The following ADGRL3 variants were observed in gnomAD, a reference collection of about 807,000 sequenced individuals.
The protein encoded by ADGRL3 is calcium-independent alpha-latrotoxin receptor 3.
Under a neutral mutation model 153.5 loss-of-function variants are expected in ADGRL3, and 62 were observed. The ratio of observed to expected loss-of-function variants is 0.40; its 90% confidence interval spans 0.33 to 0.50. The LOEUF is 0.50. ADGRL3 is among the 20% of genes least tolerant of loss of function. ADGRL3 has a pLI of 0.47. For synonymous variants in ADGRL3, 710 were observed against 672.5 expected (o/e 1.06, Z -0.86); for missense variants, 1,641 against 1,859.4 (o/e 0.88, Z 2.16).
At chr4:61,955,031 A>G (rs1017995451) in intron 17 of ADGRL3, among the ~76,000 whole-genome samples, 2 of 152,302 alleles carry the variant, frequency 1.3e-5, no homozygotes, top group Non-Finnish European at 2.9e-5. Flanking sequence ...TGCTTAGAAA[A>G]TTAAATAGGA....
intron 8 of ADGRL3, among the ~76,000 whole-genome samples, chr4:61,754,036 C>A (rs904677358): frequency 6.6e-6 from 1 of 152,180 alleles, no homozygotes; most frequent in Admixed American, 6.5e-5. Flanking sequence ...GGGAAGTGAC[C>A]TTCCTTATTC....
chr4:61,930,516 ACT>A (rs1159904023), intron 13 of ADGRL3, among the ~76,000 whole-genome samples: 2 of 152,146 alleles, frequency 1.3e-5, no homozygotes, highest in Non-Finnish European at 1.5e-5. Context: ...TAACAAATAA[ACT>A]CTGTATTTTG....
At chr4:61,242,275 G>A (rs1322148221) in intron 1 of ADGRL3, among the ~76,000 whole-genome samples, 1 of 151,858 alleles carries the variant, frequency 6.6e-6, no homozygotes, top group East Asian at 1.9e-4. Context: ...TCACACTGTG[G>A]TACATTCGTT....
chr4:61,934,137 T>C (rs1342462816), intron 13 of ADGRL3, among the ~76,000 whole-genome samples: 1 of 152,216 alleles, frequency 6.6e-6, no homozygotes, highest in East Asian at 1.9e-4. Flanking sequence ...TTTGTATCTA[T>C]GTGTGGGTGT....
At chr4:62,035,565 A>G (rs1724530375) in intron 23 of ADGRL3, among the ~76,000 whole-genome samples, 1 of 152,126 alleles carries the variant, frequency 6.6e-6, no homozygotes, top group South Asian at 2.1e-4. Flanking sequence ...AGAAATTACT[A>G]AACTATCATT....
intron 8 of ADGRL3, among the ~76,000 whole-genome samples, chr4:61,797,171 CT>C: frequency 6.6e-6 from 1 of 152,220 alleles, no homozygotes; most frequent in Middle Eastern, 3.4e-3. Flanking sequence ...CCTCAAAAGC[CT>C]TGTGCCTACA....
At chr4:61,539,265 C>T (rs1478534945) in intron 4 of ADGRL3, among the ~76,000 whole-genome samples, 1 of 152,234 alleles carries the variant, frequency 6.6e-6, no homozygotes, top group African/African-American at 2.4e-5. Flanking sequence ...CTCCGGGGCA[C>T]TGATGCCAGC....
At chr4:61,279,215 G>A (rs1278137930) in intron 1 of ADGRL3, among the ~76,000 whole-genome samples, 1 of 152,122 alleles carries the variant, frequency 6.6e-6, no homozygotes, top group Admixed American at 6.6e-5. Flanking sequence ...AGCCAAATGG[G>A]TATCACTACT....
intron 9 of ADGRL3, among the ~76,000 whole-genome samples, chr4:61,856,196 C>T (rs2098261840): frequency 6.6e-6 from 1 of 152,048 alleles, no homozygotes; most frequent in African/African-American, 2.4e-5. Context: ...AGCCAGACTC[C>T]ACCTCTACAA....
At chr4:61,338,010 C>T (rs907473742) in intron 1 of ADGRL3, among the ~76,000 whole-genome samples, 2 of 151,966 alleles carry the variant, frequency 1.3e-5, no homozygotes, top group African/African-American at 4.8e-5. Flanking sequence ...CACCTGTAAT[C>T]CCCCAGCACT....
At chr4:61,679,352 A>T (rs932568923) in intron 6 of ADGRL3, among the ~76,000 whole-genome samples, 4 of 152,010 alleles carry the variant, frequency 2.6e-5, no homozygotes. Flanking sequence ...TCAACATGAG[A>T]TTTGGAGGGG....
At chr4:61,908,180 G>A (rs182834758) in intron 11 of ADGRL3, among the ~76,000 whole-genome samples, 136 of 152,226 alleles carry the variant, frequency 8.9e-4, no homozygotes, top group Admixed American at 1.4e-3. Context: ...TGGAGGATGA[G>A]CTGGGAGGAT....
At chr4:61,885,652 A>G (rs1161612335) in intron 9 of ADGRL3, among the ~76,000 whole-genome samples, 1 of 152,210 alleles carries the variant, frequency 6.6e-6, no homozygotes, top group Admixed American at 6.5e-5. Flanking sequence ...TAATTTCCAA[A>G]TCCATTAAAA....
chr4:61,983,015 G>GACTCTA (rs1184091570), intron 18 of ADGRL3, among the ~76,000 whole-genome samples: 1 of 151,802 alleles, frequency 6.6e-6, no homozygotes, highest in Non-Finnish European at 1.5e-5. Flanking sequence ...CTCTAACTCT[G>GACTCTA]ACTCTAACTC....
In ADGRL3 at chr4:62,037,941, G is replaced by A. The variant is rs182596669; in HGVS notation, c.3717+85G>A. The A allele has an allele frequency of 1.8e-5, 26 of 1,469,804 alleles. No individual in the cohort carries two copies. In the East Asian group the frequency reaches 5.7e-4, roughly 32 times the overall value. The allele number at this position is 1,469,804 out of a possible 1,614,324, so 91.0% of individuals were successfully genotyped here. The stretch of plus-strand genomic sequence containing the variant: ...TATGATTGGAGCTAATTTCTAGCCT[G>A]TGTTTAACACATCGTTTGTTTTTGT... On this transcript the variant is annotated intron_variant, in intron 24 of 26. Coordinates refer to ENST00000683033, the MANE Select transcript of ADGRL3 (RefSeq NM_001387552.1).
chr4:61,850,072 T>C (rs796173951), intron 9 of ADGRL3, among the ~76,000 whole-genome samples: 5 of 152,246 alleles, frequency 3.3e-5, no homozygotes, highest in African/African-American at 1.2e-4. Context: ...TCCTAATAAA[T>C]ATATGTGGTT....
intron 1 of ADGRL3, among the ~76,000 whole-genome samples, chr4:61,326,978 T>A (rs1208823290): frequency 6.6e-6 from 1 of 152,010 alleles, no homozygotes; most frequent in Non-Finnish European, 1.5e-5. Context: ...GTTATGTGAA[T>A]TGTTATACAA....
At chr4:61,540,149 C>G (rs575255923) in intron 4 of ADGRL3, among the ~76,000 whole-genome samples, 2 of 152,306 alleles carry the variant, frequency 1.3e-5, no homozygotes, top group South Asian at 2.1e-4. Flanking sequence ...TTAAATAACT[C>G]GTCCAAAGTC....
chr4:61,835,777 C>G (rs866609231), intron 9 of ADGRL3, among the ~76,000 whole-genome samples: 1 of 151,504 alleles, frequency 6.6e-6, no homozygotes, highest in African/African-American at 2.4e-5. Context: ...AAACCAGAAA[C>G]GAATCATTCC....
Sources: gnomAD v4.1 joint callset for allele counts (sites outside exome capture counted in the v4.1 genomes callset) on GRCh38, gnomAD v4.1.1 for gene constraint, MANE v1.5 for transcripts, NCBI Gene and HGNC (gene_info 2026-07-23, HGNC 2026-07-21) for gene names.